CDYL2: variants seen among roughly 807,000 people sequenced by gnomAD.
The protein encoded by CDYL2 is chromodomain Y-like protein 2.
A neutral mutation model predicts 49.4 loss-of-function variants in CDYL2; 23 were observed. The observed-to-expected ratio is 0.47, with a 90% CI of 0.34 to 0.66. The LOEUF is 0.66. Ranked by LOEUF, CDYL2 falls within the 30% of genes least tolerant of loss-of-function variation. CDYL2 has a pLI of 0.01. For missense variants in CDYL2, 678 were observed against 656.4 expected (o/e 1.03, Z -0.36); for synonymous variants, 360 against 268.8 (o/e 1.34, Z -3.32).
At position 80,797,918 on chromosome 16, in the gene CDYL2, T is replaced by C. The variant is rs142978064; in HGVS notation, c.24+6232A>G. Among the ~76,000 whole-genome samples, 981 of 152,348 alleles carry C rather than the reference T, an allele frequency of 6.4e-3. 9 individuals carry two copies. Among genetic ancestry groups the C allele is most frequent in the Middle Eastern group, 0.014 (4 of 294 alleles). On this transcript the variant is annotated intron_variant, in intron 1 of 6. Coordinates refer to ENST00000570137, the MANE Select transcript of CDYL2 (RefSeq NM_152342.4). The stretch of plus-strand genomic sequence containing the variant: ...AACTTTGAAGGACAATCTGGGAATA[T>C]GTATCAACAGCATTAAAAACGTTAC...
intron 2 of CDYL2, among the ~76,000 whole-genome samples, chr16:80,653,929 C>T (rs1278924454): frequency 1.3e-5 from 2 of 152,148 alleles, no homozygotes; most frequent in Non-Finnish European, 2.9e-5. Flanking sequence ...CCCAAGAATT[C>T]CTCAAACCCC....
intron 1 of CDYL2, among the ~76,000 whole-genome samples, chr16:80,719,542 CT>C (rs1321008247): frequency 1.3e-5 from 2 of 152,210 alleles, no homozygotes; most frequent in Non-Finnish European, 2.9e-5. Context: ...TTGAGAATCA[CT>C]AGATAATTTT....
At chr16:80,662,271 GC>G (rs1372601435) in intron 2 of CDYL2, among the ~76,000 whole-genome samples, 1 of 152,128 alleles carries the variant, frequency 6.6e-6, no homozygotes, top group East Asian at 1.9e-4. Flanking sequence ...TCCTTCCATT[GC>G]AAACAAAATA....
chr16:80,769,815 G>C (rs187966276), intron 1 of CDYL2, among the ~76,000 whole-genome samples: 7 of 152,258 alleles, frequency 4.6e-5, no homozygotes, highest in South Asian at 2.1e-4. Context: ...AAAAGAATCA[G>C]ATTATTCATT....
chr16:80,660,012 T>A (rs1332137725), intron 2 of CDYL2, among the ~76,000 whole-genome samples: 1 of 151,612 alleles, frequency 6.6e-6, no homozygotes, highest in Non-Finnish European at 1.5e-5. Context: ...AAAACAGCAA[T>A]AACAGAGGCT....
chr16:80,664,440 C>T (rs567642828), intron 2 of CDYL2, among the ~76,000 whole-genome samples: 41 of 152,276 alleles, frequency 2.7e-4, no homozygotes, highest in Admixed American at 1.3e-3. Flanking sequence ...TTCCTGAGTT[C>T]GCATGCTCAG....
At chr16:80,641,762 G>T (rs1331858202) in intron 2 of CDYL2, among the ~76,000 whole-genome samples, 1 of 104,846 alleles carries the variant, frequency 9.5e-6, no homozygotes, top group Non-Finnish European at 1.8e-5. Flanking sequence ...TGGGGGGAGG[G>T]GGGAGGGATA....
chr16:80,681,319 G>A (rs1909958475), intron 2 of CDYL2, among the ~76,000 whole-genome samples: 1 of 152,118 alleles, frequency 6.6e-6, no homozygotes, highest in Admixed American at 6.5e-5. Context: ...CCTGGAGACT[G>A]GATCCTTTAG....
chr16:80,741,597 T>A (rs1268893900), intron 1 of CDYL2, among the ~76,000 whole-genome samples: 1 of 151,914 alleles, frequency 6.6e-6, no homozygotes, highest in African/African-American at 2.4e-5. Flanking sequence ...GAAAAAGAAG[T>A]GTGTGAGGGT....
At chr16:80,632,933 G>A (rs942142488) in intron 3 of CDYL2, 86 bp downstream of exon 3, 21 of 1,344,424 alleles carry the variant, frequency 1.6e-5, no homozygotes, top group Non-Finnish European at 2.0e-5. Flanking sequence ...GCTCCCTGAT[G>A]GAAGGAAGGA....
At chr16:80,768,571 G>A (rs552107535) in intron 1 of CDYL2, among the ~76,000 whole-genome samples, 8 of 152,144 alleles carry the variant, frequency 5.3e-5, no homozygotes, top group Non-Finnish European at 8.8e-5. Flanking sequence ...CACAAGGCAC[G>A]ATCAAGGTCC....
Position 80,760,054 on chromosome 16 carries a change from AT to A in CDYL2, c.24+44095del, listed in dbSNP as rs544136825. The stretch of plus-strand genomic sequence containing the variant: ...ATTTCATTTTAAGAAAATGGCGAAA[AT>A]TTAGATTTATAAATTGGGTGTCACT... On this transcript the variant is annotated intron_variant, in intron 1 of 6. Coordinates refer to ENST00000570137, the MANE Select transcript of CDYL2 (RefSeq NM_152342.4). Among the ~76,000 whole-genome samples, 25 of 152,322 alleles carry A rather than the reference AT, an allele frequency of 1.6e-4. No individual in the cohort carries two copies. The South Asian group carries it at 5.2e-3, about 32-fold the overall frequency.
chr16:80,727,296 G>C (rs1412322575), intron 1 of CDYL2, among the ~76,000 whole-genome samples: 2 of 152,230 alleles, frequency 1.3e-5, no homozygotes, highest in African/African-American at 2.4e-5. Context: ...AAGCGCAAGG[G>C]GTCAGGGAGT....
intron 2 of CDYL2, among the ~76,000 whole-genome samples, chr16:80,639,221 G>A (rs1400327491): frequency 6.6e-6 from 1 of 152,120 alleles, no homozygotes; most frequent in East Asian, 1.9e-4. Flanking sequence ...AGAGGATGCC[G>A]AGTGACAGGA....
intron 1 of CDYL2, among the ~76,000 whole-genome samples, chr16:80,724,705 A>C (rs768956110): frequency 1.3e-4 from 20 of 152,180 alleles, no homozygotes; most frequent in Non-Finnish European, 2.1e-4. Flanking sequence ...ATTTCTTTCT[A>C]TAGTTCACAG....
chr16:80,785,666 G>C (rs548017375), intron 1 of CDYL2, among the ~76,000 whole-genome samples: 11 of 152,266 alleles, frequency 7.2e-5, no homozygotes, highest in African/African-American at 2.4e-4. Context: ...ACAATCTGGA[G>C]CAAGAAGAAC....
At chr16:80,736,226 T>A (rs4497705) in intron 1 of CDYL2, 39,255 of 152,214 alleles carry the variant, frequency 0.26, 6,457 homozygotes, top group Middle Eastern at 0.49. Flanking sequence ...TAATTCACAC[T>A]GTTTCAGAGC....
At chr16:80,737,255 G>C (rs1905568435) in intron 1 of CDYL2, among the ~76,000 whole-genome samples, 1 of 152,192 alleles carries the variant, frequency 6.6e-6, no homozygotes, top group South Asian at 2.1e-4. Flanking sequence ...CACTTTTGCA[G>C]AGGATGGATT....
At chr16:80,659,098 TGGAC>T (rs1908934546) in intron 2 of CDYL2, among the ~76,000 whole-genome samples, 1 of 132,850 alleles carries the variant, frequency 7.5e-6, no homozygotes, top group Non-Finnish European at 1.6e-5. Flanking sequence ...GATGGATGGA[TGGAC>T]AGACGGATGG....
Sources: allele counts gnomAD v4.1 joint callset (sites outside exome capture counted in the v4.1 genomes callset), GRCh38; gene constraint gnomAD v4.1.1; transcripts MANE v1.5; gene names NCBI Gene and HGNC (gene_info 2026-07-23, HGNC 2026-07-21).